The following CLSTN2 variants were observed in gnomAD, a reference collection of about 807,000 sequenced individuals.
CLSTN2 encodes the protein calsyntenin-2.
Under a neutral mutation model 101.2 loss-of-function variants are expected in CLSTN2, and 48 were observed. The ratio of observed to expected loss-of-function variants is 0.47; its 90% confidence interval spans 0.38 to 0.60. The LOEUF is 0.60. CLSTN2 is among the 20% of genes least tolerant of loss of function. The pLI, the probability that CLSTN2 is intolerant of heterozygous loss-of-function variation, is 0.00. For missense variants in CLSTN2, 1,160 were observed against 1,238.2 expected (o/e 0.94, Z 0.95); for synonymous variants, 481 against 463.6 (o/e 1.04, Z -0.48).
intron 2 of CLSTN2, among the ~76,000 whole-genome samples, chr3:140,401,901 G>A (rs1236734614): frequency 1.3e-5 from 2 of 152,118 alleles, no homozygotes; most frequent in Admixed American, 6.5e-5. Flanking sequence ...GCACAGTACT[G>A]AAATGCCTAG....
rs1365193955 is a variant in CLSTN2 at position 140,240,045 on chromosome 3, T to A, written c.232+63972T>A. On this transcript the variant is annotated intron_variant, in intron 2 of 16. Coordinates refer to ENST00000458420, the MANE Select transcript of CLSTN2 (RefSeq NM_022131.3). ...TTTCTACCTTTCCTGAGCACAGGAA[T>A]TCCATCTGTGAATTCACCTCTGCTC... Among the ~76,000 whole-genome samples, 4 of 148,794 alleles carry A rather than the reference T, an allele frequency of 2.7e-5. No individual in the cohort carries two copies. In the Admixed American group the frequency reaches 2.7e-4, roughly 10 times the overall value.
chr3:140,509,721 A>C (rs1355368045), intron 8 of CLSTN2, among the ~76,000 whole-genome samples: 1 of 152,170 alleles, frequency 6.6e-6, no homozygotes, highest in African/African-American at 2.4e-5. Context: ...CAGGGAATGC[A>C]CAACCCCCAC....
At chr3:140,155,128 G>A (rs2009934333) in intron 1 of CLSTN2, among the ~76,000 whole-genome samples, 1 of 152,166 alleles carries the variant, frequency 6.6e-6, no homozygotes, top group African/African-American at 2.4e-5. Flanking sequence ...CTTCCTTTCT[G>A]AAGCTATTAC....
At chr3:140,005,975 T>A (rs748891908) in intron 1 of CLSTN2, among the ~76,000 whole-genome samples, 1 of 152,248 alleles carries the variant, frequency 6.6e-6, no homozygotes, top group Non-Finnish European at 1.5e-5. Flanking sequence ...TATTGTATAC[T>A]TGATCTCATC....
intron 1 of CLSTN2, among the ~76,000 whole-genome samples, chr3:140,038,289 T>C (rs4683787): frequency 0.12 from 18,707 of 152,152 alleles, 1,487 homozygotes; most frequent in African/African-American, 0.22. Context: ...TGCATTTCTC[T>C]AATGATCAGT....
intron 2 of CLSTN2, among the ~76,000 whole-genome samples, chr3:140,291,339 C>T (rs1051731999): frequency 6.6e-6 from 1 of 151,908 alleles, no homozygotes; most frequent in Non-Finnish European, 1.5e-5. Context: ...CTGAAACTGC[C>T]TTTGTCAAGG....
intron 1 of CLSTN2, among the ~76,000 whole-genome samples, chr3:140,022,487 G>A (rs1365678189): frequency 6.6e-6 from 1 of 152,212 alleles, no homozygotes; most frequent in Non-Finnish European, 1.5e-5. Flanking sequence ...AGGGAGAGCT[G>A]CGTGTGAGAG....
intron 1 of CLSTN2, among the ~76,000 whole-genome samples, chr3:139,998,680 T>A (rs2006747823): frequency 6.6e-6 from 1 of 152,020 alleles, no homozygotes; most frequent in Admixed American, 6.6e-5. Flanking sequence ...GCAGTCAGTG[T>A]TTGATGCTTG....
chr3:140,176,959 A>T (rs956450936), intron 2 of CLSTN2, among the ~76,000 whole-genome samples: 2 of 152,202 alleles, frequency 1.3e-5, no homozygotes, highest in Admixed American at 6.5e-5. Flanking sequence ...CTACATTATG[A>T]GCTGCTTGGG....
At chr3:140,411,877 T>C (rs2088368054) in intron 4 of CLSTN2, among the ~76,000 whole-genome samples, 1 of 152,196 alleles carries the variant, frequency 6.6e-6, no homozygotes, top group Non-Finnish European at 1.5e-5. Context: ...TACGTACAGA[T>C]TCTGGGAATA....
chr3:140,555,466 A>G (rs1935774668), intron 10 of CLSTN2, among the ~76,000 whole-genome samples: 1 of 152,216 alleles, frequency 6.6e-6, no homozygotes, highest in Admixed American at 6.5e-5. Flanking sequence ...GGGACTGTGG[A>G]AACTGGGTGG....
intron 12 of CLSTN2, 110 bp from the exon 13 acceptor site, chr3:140,562,028 C>A: frequency 1.1e-6 from 1 of 929,136 alleles, no homozygotes; most frequent in Non-Finnish European, 1.7e-6. Flanking sequence ...GACTCTGCTC[C>A]TGACCCAGCC....
chr3:140,310,142 C>G (rs541666017), intron 2 of CLSTN2, among the ~76,000 whole-genome samples: 29 of 152,246 alleles, frequency 1.9e-4, no homozygotes, highest in Non-Finnish European at 3.5e-4. Context: ...TAAACACATC[C>G]CCCGGGTTAC....
chr3:140,056,560 A>C (rs1283749623), intron 1 of CLSTN2, among the ~76,000 whole-genome samples: 1 of 152,160 alleles, frequency 6.6e-6, no homozygotes, highest in Non-Finnish European at 1.5e-5. Flanking sequence ...GGGTTAGGTT[A>C]ATGGCCAAAA....
At chr3:140,515,432 T>G (rs1304362727) in intron 8 of CLSTN2, among the ~76,000 whole-genome samples, 2 of 152,174 alleles carry the variant, frequency 1.3e-5, no homozygotes, top group Non-Finnish European at 2.9e-5. Flanking sequence ...TTGTTCTTGT[T>G]TCCCTAGTTC....
In CLSTN2 at chr3:140,374,904, A is replaced by G. The variant is rs185102837; in HGVS notation, c.233-28725A>G. ...AAGGAAGTTGGTCACAGACAACTTT[A>G]TCACTCCAATTATTCCCTCTGACTA... is the stretch of plus-strand genomic sequence containing the variant. On this transcript the variant is annotated intron_variant, in intron 2 of 16. Coordinates refer to ENST00000458420, the MANE Select transcript of CLSTN2 (RefSeq NM_022131.3). 1.1e-3 allele frequency among the ~76,000 whole-genome samples: 174 copies of G among 152,338 alleles called. No individual in the cohort carries two copies. The South Asian group carries it at 0.015, about 13-fold the overall frequency.
At chr3:140,279,780 G>T (rs1304117713) in intron 2 of CLSTN2, among the ~76,000 whole-genome samples, 1 of 152,192 alleles carries the variant, frequency 6.6e-6, no homozygotes, top group Non-Finnish European at 1.5e-5. Flanking sequence ...GCTCCTATTG[G>T]CATTCCTTTG....
chr3:140,464,155 C>T (rs1933629875), intron 7 of CLSTN2, among the ~76,000 whole-genome samples: 2 of 152,146 alleles, frequency 1.3e-5, no homozygotes, highest in Admixed American at 6.5e-5. Flanking sequence ...ACTTCTTTTC[C>T]TCTCATCCAT....
intron 2 of CLSTN2, among the ~76,000 whole-genome samples, chr3:140,296,429 G>A (rs1451072285): frequency 6.6e-6 from 1 of 152,062 alleles, no homozygotes; most frequent in Non-Finnish European, 1.5e-5. Flanking sequence ...TATCTGTATT[G>A]CCCTAACAGA....
Sources: allele counts gnomAD v4.1 joint callset (sites outside exome capture counted in the v4.1 genomes callset), GRCh38; gene constraint gnomAD v4.1.1; transcripts MANE v1.5; gene names NCBI Gene and HGNC (gene_info 2026-07-23, HGNC 2026-07-21).